The following SHOC1 variants were observed in gnomAD, a reference collection of about 807,000 sequenced individuals.
SHOC1 encodes protein shortage in chiasmata 1 ortholog.
A neutral mutation model predicts 179.2 loss-of-function variants in SHOC1; 136 were observed. The ratio of observed to expected loss-of-function variants is 0.76; its 90% CI spans 0.66 to 0.87. The LOEUF (loss-of-function observed/expected upper bound fraction) is 0.87. SHOC1 is among the 40% of genes least tolerant of loss of function. SHOC1 has a pLI of 0.00. For missense variants in SHOC1, 1,538 were observed against 1,700.8 expected (o/e 0.90, Z 1.68); for synonymous variants, 489 against 586.6 (o/e 0.83, Z 2.41).
intron 19 of SHOC1, among the ~76,000 whole-genome samples, chr9:111,707,313 G>A (rs1041687329): frequency 4.0e-5 from 6 of 151,798 alleles, no homozygotes; most frequent in Non-Finnish European, 8.8e-5. Flanking sequence ...GAGCAATCTA[G>A]AAGTTAAAAA....
chr9:111,783,444 G>A (rs1024338756), intron 3 of SHOC1: 2 of 152,168 alleles, frequency 1.3e-5, no homozygotes, highest in Non-Finnish European at 2.9e-5. Flanking sequence ...CTTTTAACAG[G>A]AGCCCAACAC....
intron 3 of SHOC1, among the ~76,000 whole-genome samples, chr9:111,782,940 T>C (rs1238116204): frequency 6.6e-6 from 1 of 150,784 alleles, no homozygotes; most frequent in African/African-American, 2.4e-5. Context: ...AACTCTATCT[T>C]CCTATCTACA....
chr9:111,780,397 T>G (rs1326176995), intron 4 of SHOC1, among the ~76,000 whole-genome samples: 1 of 152,230 alleles, frequency 6.6e-6, no homozygotes, highest in Admixed American at 6.5e-5. Flanking sequence ...TAGATGTTCC[T>G]CCTCATATTA....
chr9:111,780,784 G>T, intron 4 of SHOC1, 146 bp downstream of exon 4: 1 of 525,374 alleles, frequency 1.9e-6, no homozygotes, highest in Non-Finnish European at 3.4e-6. Flanking sequence ...CTCCTTTGTG[G>T]TTCAAATTAG....
chr9:111,742,489 G>A (rs1430653422), intron 10 of SHOC1, among the ~76,000 whole-genome samples: 1 of 143,852 alleles, frequency 7.0e-6, no homozygotes, highest in Non-Finnish European at 1.5e-5. Context: ...AGGGGTACTC[G>A]GGGGGAGAAG....
chr9:111,771,677 C>T (rs1453738559), intron 5 of SHOC1, among the ~76,000 whole-genome samples: 1 of 152,008 alleles, frequency 6.6e-6, no homozygotes, highest in Non-Finnish European at 1.5e-5. Flanking sequence ...GGTAATTTTG[C>T]TGGATACAGT....
At chr9:111,760,192 T>A (rs1369864369) in intron 5 of SHOC1, among the ~76,000 whole-genome samples, 1 of 152,200 alleles carries the variant, frequency 6.6e-6, no homozygotes, top group Admixed American at 6.5e-5. Flanking sequence ...ATGGCTGACA[T>A]CTGAAGTCAG....
chr9:111,720,851 G>A, intron 15 of SHOC1, among the ~76,000 whole-genome samples: 2 of 152,226 alleles, frequency 1.3e-5, no homozygotes, highest in South Asian at 2.1e-4. Context: ...ACAGTAATAA[G>A]AAGTGTCAGC....
intron 20 of SHOC1, among the ~76,000 whole-genome samples, chr9:111,706,295 A>C (rs1030534322): frequency 2.0e-5 from 3 of 152,160 alleles, no homozygotes; most frequent in Non-Finnish European, 4.4e-5. Flanking sequence ...AAGATTGGAT[A>C]TAAATGTAAT....
chr9:111,788,259 G>A (rs1244944748), intron 2 of SHOC1, among the ~76,000 whole-genome samples: 1 of 150,738 alleles, frequency 6.6e-6, no homozygotes, highest in African/African-American at 2.4e-5. Flanking sequence ...CTATTCTCCT[G>A]CCTCAGCCTC....
In SHOC1 at chr9:111,694,337, G is replaced by T. The variant is rs770594088; in HGVS notation, c.3209C>A (p.Ala1070Glu). The T allele has an allele frequency of 1.0e-4, 168 of 1,609,586 alleles. No homozygotes were observed. Among genetic ancestry groups the T allele is most frequent in the Non-Finnish European group, 1.3e-4 (158 of 1,176,948 alleles). ...AATTTGTCGAATTATCAAGGCAGTT[G>T]CTTCTACTCCTGGGGCAATTATAAG... is the stretch of plus-strand genomic sequence containing the variant. Reference protein sequence around the residue: ...VKLIIAPGVEATALIIRQIAD... With the variant: ...VKLIIAPGVEETALIIRQIAD... The change falls in exon 25 of 28, where the codon GCA becomes GAA. Residue 1070 changes from alanine (A) to glutamate (E), a missense_variant. Transcript: ENST00000682961.
rs200161627 is a variant in SHOC1, at chr9:111,780,895, A to T, written c.257+35T>A. Reference sequence around the variant, plus strand: ...GAACTTACTGTTTATCTTCTACTAGATGTAAAAGAGAAATTTGAGATTAAG... The same window carrying T: ...GAACTTACTGTTTATCTTCTACTAGTTGTAAAAGAGAAATTTGAGATTAAG... On this transcript the variant is annotated intron_variant, in intron 4 of 27. Coordinates refer to ENST00000682961, the MANE Select transcript of SHOC1 (RefSeq NM_001378211.1). 6.8e-5 allele frequency: 97 copies of T among 1,424,300 alleles called. No individual in the cohort carries two copies. In the Admixed American group the frequency reaches 1.6e-3, roughly 24 times the overall value. 88.2% of individuals were successfully genotyped at this position (1,424,300 alleles called of 1,614,324 possible).
chr9:111,718,822 C>T (rs1032312524), intron 15 of SHOC1, among the ~76,000 whole-genome samples: 2 of 152,064 alleles, frequency 1.3e-5, no homozygotes, highest in African/African-American at 4.8e-5. Context: ...AGCCTTATTG[C>T]CTAATTGTGT....
intron 8 of SHOC1, among the ~76,000 whole-genome samples, chr9:111,752,341 C>G (rs1336176420): frequency 1.3e-5 from 2 of 152,148 alleles, no homozygotes; most frequent in Non-Finnish European, 2.9e-5. Context: ...ATGTATGGGG[C>G]AGATTGAAAG....
chr9:111,724,849 T>C (rs1833227638), intron 13 of SHOC1, among the ~76,000 whole-genome samples: 1 of 152,230 alleles, frequency 6.6e-6, no homozygotes, highest in African/African-American at 2.4e-5. Flanking sequence ...TTTATTATAC[T>C]GTGAGCTTCT....
At chr9:111,786,193 T>C (rs1411810711) in intron 2 of SHOC1, among the ~76,000 whole-genome samples, 158 bp from the exon 3 acceptor site, 2 of 152,194 alleles carry the variant, frequency 1.3e-5, no homozygotes, top group African/African-American at 2.4e-5. Flanking sequence ...CCCAGCACTT[T>C]GGGAGGCCCA....
intron 12 of SHOC1, among the ~76,000 whole-genome samples, chr9:111,732,467 A>T (rs1833619235): frequency 6.6e-6 from 1 of 152,208 alleles, no homozygotes; most frequent in South Asian, 2.1e-4. Context: ...CTTGCACAAA[A>T]ATATTTATAA....
At chr9:111,716,380 CCTTTTT>C (rs1832788856) in intron 16 of SHOC1, among the ~76,000 whole-genome samples, 1 of 130,108 alleles carries the variant, frequency 7.7e-6, no homozygotes, top group African/African-American at 3.0e-5. Context: ...TTCTTTTCTC[CCTTTTT>C]TTTTTTTTTT....
intron 4 of SHOC1, among the ~76,000 whole-genome samples, chr9:111,778,452 T>C (rs1012386025): frequency 6.6e-5 from 10 of 152,126 alleles, no homozygotes; most frequent in Non-Finnish European, 1.0e-4. Context: ...AAGTATATAA[T>C]ATAATTTCAG....
Sources: allele counts gnomAD v4.1 joint callset (sites outside exome capture counted in the v4.1 genomes callset), GRCh38; gene constraint gnomAD v4.1.1; transcripts MANE v1.5; gene names NCBI Gene and HGNC (gene_info 2026-07-23, HGNC 2026-07-21).